The following BICC1 variants were observed in gnomAD, a reference collection of about 807,000 sequenced individuals.
The protein encoded by BICC1 is protein bicaudal C homolog 1.
BICC1 carries 43 observed loss-of-function variants against 111.0 expected under a neutral mutation model. The ratio of observed to expected loss-of-function variants is 0.39; its 90% CI spans 0.30 to 0.50. The LOEUF is 0.50. BICC1 is among the 20% of genes least tolerant of loss of function. BICC1 has a pLI of 0.88. For synonymous variants in BICC1, 467 were observed against 434.4 expected, an observed-to-expected ratio of 1.07 and a Z score of -0.93; for missense variants, 1,091 against 1,203.2, an observed-to-expected ratio of 0.91 and a Z score of 1.38.
At chr10:58,747,054 A>C (rs906158102) in intron 3 of BICC1, among the ~76,000 whole-genome samples, 1 of 152,124 alleles carries the variant, frequency 6.6e-6, no homozygotes, top group African/African-American at 2.4e-5. Flanking sequence ...GCTGAGGTTC[A>C]CGGGACCACA....
chr10:58,791,559 A>T (rs185544786), intron 8 of BICC1, among the ~76,000 whole-genome samples: 105 of 152,234 alleles, frequency 6.9e-4, no homozygotes, highest in African/African-American at 2.4e-3. Context: ...AATATGGTGA[A>T]ACCCCATCTC....
At chr10:58,527,372 G>T (rs2917950) in intron 1 of BICC1, among the ~76,000 whole-genome samples, 1 of 151,904 alleles carries the variant, frequency 6.6e-6, no homozygotes, top group Non-Finnish European at 1.5e-5. Context: ...TCTGTACGTT[G>T]CCTGTTCACT....
intron 3 of BICC1, among the ~76,000 whole-genome samples, chr10:58,738,202 T>C (rs1841536040): frequency 6.6e-6 from 1 of 152,240 alleles, no homozygotes; most frequent in South Asian, 2.1e-4. Flanking sequence ...GGTTTTCTTC[T>C]AGGGTTTTTA....
In BICC1 at chr10:58,675,414, A is replaced by C. The variant is rs149355043; in HGVS notation, c.238-26660A>C. ...TGGATAAAGAAATTGTGGTATATATATATAATAAAATAATATTTAGCCATA... is the reference window on the plus strand; with the variant it reads ...TGGATAAAGAAATTGTGGTATATATCTATAATAAAATAATATTTAGCCATA... On this transcript the variant is annotated intron_variant, in intron 2 of 20. Coordinates refer to ENST00000373886, the MANE Select transcript of BICC1 (RefSeq NM_001080512.3). Among the ~76,000 whole-genome samples, 547 of 152,302 alleles carry C rather than the reference A, an allele frequency of 3.6e-3. 2 individuals carry two copies. Among genetic ancestry groups the C allele is most frequent in the African/African-American group, 0.012 (513 of 41,566 alleles).
chr10:58,812,702 T>C (rs1474579963), intron 17 of BICC1, among the ~76,000 whole-genome samples: 1 of 152,134 alleles, frequency 6.6e-6, no homozygotes, highest in Non-Finnish European at 1.5e-5. Context: ...GTTCTTAAAC[T>C]CCTGACCTCA....
At chr10:58,659,931 GTATTA>G (rs1838786292) in intron 2 of BICC1, among the ~76,000 whole-genome samples, 2 of 152,168 alleles carry the variant, frequency 1.3e-5, no homozygotes, top group South Asian at 2.1e-4. Context: ...CTGACATGTA[GTATTA>G]TATTGTGCTG....
At chr10:58,672,549 T>C (rs944946871) in intron 2 of BICC1, among the ~76,000 whole-genome samples, 1 of 152,174 alleles carries the variant, frequency 6.6e-6, no homozygotes, top group Non-Finnish European at 1.5e-5. Context: ...TCAGATGATA[T>C]CATTGCACTT....
chr10:58,723,458 G>A (rs1841001875), intron 3 of BICC1, among the ~76,000 whole-genome samples: 1 of 152,180 alleles, frequency 6.6e-6, no homozygotes, highest in Admixed American at 6.5e-5. Context: ...AACTTGTTGA[G>A]TTTCTTAGGA....
chr10:58,664,613 T>G (rs1026501435), intron 2 of BICC1, among the ~76,000 whole-genome samples: 2 of 152,148 alleles, frequency 1.3e-5, no homozygotes, highest in Non-Finnish European at 2.9e-5. Context: ...TTTTAAAAGT[T>G]CTATCTGATA....
intron 2 of BICC1, among the ~76,000 whole-genome samples, chr10:58,684,718 G>C (rs1258207602): frequency 6.6e-6 from 1 of 152,154 alleles, no homozygotes; most frequent in African/African-American, 2.4e-5. Flanking sequence ...GATCGGTGGT[G>C]ATATCCCCTT....
intron 1 of BICC1, among the ~76,000 whole-genome samples, chr10:58,561,154 T>C (rs944631703): frequency 1.3e-5 from 2 of 152,032 alleles, no homozygotes; most frequent in Non-Finnish European, 2.9e-5. Context: ...ACTATTATTG[T>C]ATTGGGGCCT....
intron 3 of BICC1, among the ~76,000 whole-genome samples, chr10:58,764,311 A>G (rs1441703063): frequency 6.6e-6 from 1 of 152,120 alleles, no homozygotes; most frequent in East Asian, 1.9e-4. Context: ...ATACCTAGAG[A>G]CCCTAGACTG....
intron 3 of BICC1, among the ~76,000 whole-genome samples, chr10:58,712,645 T>G (rs1366270232): frequency 6.6e-6 from 1 of 152,198 alleles, no homozygotes; most frequent in Non-Finnish European, 1.5e-5. Context: ...TATGTCATTG[T>G]AGAAAAAGCA....
At position 58,557,410 on chromosome 10, in the gene BICC1, A is replaced by C. The variant is rs369662433; in HGVS notation, c.190+44077A>C. On this transcript the variant is annotated intron_variant, in intron 1 of 20. Coordinates refer to ENST00000373886, the MANE Select transcript of BICC1 (RefSeq NM_001080512.3). ...TTGGATTTATAGCTTTATTGTTTTC[A>C]TTAGATTTGGAATAATTTTAACCAT... Among the ~76,000 whole-genome samples the C allele has an allele frequency of 1.5e-4, 23 of 150,014 alleles. No homozygotes were observed. In the South Asian group the frequency reaches 4.8e-3, roughly 31 times the overall value.
intron 1 of BICC1, among the ~76,000 whole-genome samples, chr10:58,581,756 T>C (rs1447383011): frequency 6.6e-6 from 1 of 152,118 alleles, no homozygotes; most frequent in African/African-American, 2.4e-5. Flanking sequence ...ACCCCCTCCC[T>C]CCAATTTGGG....
chr10:58,760,379 A>T (rs376261054), intron 3 of BICC1, among the ~76,000 whole-genome samples: 1 of 152,204 alleles, frequency 6.6e-6, no homozygotes, highest in South Asian at 2.1e-4. Flanking sequence ...CGCCTCTTCC[A>T]CAGAGAAGCT....
In BICC1 at chr10:58,564,628, G is replaced by A. The variant is rs796526361; in HGVS notation, c.190+51295G>A. Among the ~76,000 whole-genome samples, 142 of 152,242 alleles carry A rather than the reference G, an allele frequency of 9.3e-4. 1 individual carries two copies. Among genetic ancestry groups the A allele is most frequent in the African/African-American group, 3.3e-3 (137 of 41,550 alleles). On this transcript the variant is annotated intron_variant, in intron 1 of 20. Coordinates refer to ENST00000373886, the MANE Select transcript of BICC1 (RefSeq NM_001080512.3). ...ATTGCCCCTTGTTCATTGTTATGGAGGTCAGTGTACCATCATCCAGAGGAA... is the reference window on the plus strand; with the variant it reads ...ATTGCCCCTTGTTCATTGTTATGGAAGTCAGTGTACCATCATCCAGAGGAA...
At chr10:58,721,160 C>T (rs1429454373) in intron 3 of BICC1, among the ~76,000 whole-genome samples, 5 of 152,190 alleles carry the variant, frequency 3.3e-5, no homozygotes, top group Admixed American at 2.6e-4. Context: ...AATTCTGAAG[C>T]ACATTATTTA....
At chr10:58,512,737 T>C (rs993280612), upstream of BICC1, among the ~76,000 whole-genome samples, 18 of 151,620 alleles carry the variant, frequency 1.2e-4, no homozygotes, top group African/African-American at 2.4e-4. Flanking sequence ...CGCGAGTGTG[T>C]GAGCGCCAGG....
Sources: gnomAD v4.1 joint callset for allele counts (sites outside exome capture counted in the v4.1 genomes callset) on GRCh38, gnomAD v4.1.1 for gene constraint, MANE v1.5 for transcripts, NCBI Gene and HGNC (gene_info 2026-07-23, HGNC 2026-07-21) for gene names.